XPOT: variants seen among roughly 807,000 people sequenced by gnomAD.
XPOT encodes exportin-T.
In XPOT, 34 loss-of-function variants were observed where a neutral mutation model predicts 128.2. The observed-to-expected ratio is 0.27, with a 90% CI of 0.20 to 0.35. The LOEUF is 0.35. Among genes scored for constraint, XPOT ranks in the 10% least tolerant of loss-of-function variants. The pLI is 1.00. For synonymous variants in XPOT, 348 were observed against 394.3 expected, an observed-to-expected ratio of 0.88 and a Z score of 1.39; for missense variants, 838 against 1,125.3, an observed-to-expected ratio of 0.74 and a Z score of 3.65.
intron 17 of XPOT, 129 bp downstream of exon 17, chr12:64,430,416 C>G (rs777166535): frequency 5.6e-5 from 44 of 788,770 alleles, no homozygotes; most frequent in Non-Finnish European, 8.5e-5. Flanking sequence ...TCTTTGTCCT[C>G]CAAATCCAGT....
intron 12 of XPOT, 138 bp downstream of exon 12, chr12:64,424,861 T>C: frequency 7.4e-7 from 1 of 1,349,574 alleles, no homozygotes; most frequent in African/African-American, 1.5e-5. Flanking sequence ...AACAATGCAC[T>C]TGTCTTCTTG....
intron 10 of XPOT, 61 bp from the exon 11 acceptor site, chr12:64,423,120 CA>C: frequency 6.3e-7 from 1 of 1,590,258 alleles, no homozygotes; most frequent in East Asian, 2.2e-5. Context: ...AGCTTAATTT[CA>C]AATTATATCA....
chr12:64,446,654 A>T (rs2040369556), intron 24 of XPOT, among the ~76,000 whole-genome samples: 1 of 148,934 alleles, frequency 6.7e-6, no homozygotes, highest in African/African-American at 2.5e-5. Flanking sequence ...CTGCCCTGAG[A>T]CTACCTTTCT....
rs541243518 is a variant in XPOT at position 64,405,798 on chromosome 12, C to T, written c.-75+994C>T. 1.7e-4 allele frequency among the ~76,000 whole-genome samples: 26 copies of T among 152,116 alleles called. No individual in the cohort carries two copies. In the East Asian group the frequency reaches 5.1e-3, roughly 30 times the overall value. On this transcript the variant is annotated intron_variant, in intron 1 of 24. Transcript: ENST00000332707. ...ACACCTGGCTACTTTTTGTATTTTT[C>T]GTAGAGATGGAGTTTCACCGTGTTA... is the stretch of plus-strand genomic sequence containing the variant.
rs2040227703 is a variant in XPOT at position 64,430,239 on chromosome 12, G to A, written c.1928G>A (p.Arg643Lys). The stretch of plus-strand genomic sequence containing the variant: ...TTGATGCTGGCACAAGATGAAGAAA[G>A]GCAAGCCTCTCTAGCAGACTGTCTT... ...EKLMLAQDEE[R>K]QASLADCLNH... Residue 643 changes from arginine to lysine, a missense_variant, in exon 17 of 25, where the codon AGG becomes AAG. Physicochemically the swap from Arg to Lys is conservative, Grantham distance 26. Coordinates refer to ENST00000332707, the MANE Select transcript of XPOT (RefSeq NM_007235.6). The A allele has an allele frequency of 6.2e-7, 1 of 1,611,372 alleles. No individual in the cohort carries two copies. The highest frequency in any genetic ancestry group is 1.3e-5 in the African/African-American group (1 of 74,756).
intron 3 of XPOT, 63 bp from the exon 4 acceptor site, chr12:64,416,635 G>C (rs975499750): frequency 2.2e-6 from 3 of 1,366,538 alleles, no homozygotes; most frequent in South Asian, 1.2e-5. Context: ...TTACTATTTT[G>C]CCTTTGATTT....
intron 12 of XPOT, 68 bp from the exon 13 acceptor site, chr12:64,424,970 A>G: frequency 6.3e-7 from 1 of 1,584,972 alleles, no homozygotes; most frequent in Non-Finnish European, 8.6e-7. Context: ...TTGGTGTCTT[A>G]CCCTGTGCAT....
chr12:64,447,686 G>A (rs2040376939), intron 24 of XPOT, among the ~76,000 whole-genome samples: 1 of 152,098 alleles, frequency 6.6e-6, no homozygotes, highest in Non-Finnish European at 1.5e-5. Context: ...CTCCATGTTG[G>A]TCAGGCTGAT....
At chr12:64,433,663 A>G (rs2040258110) in intron 19 of XPOT, 60 bp downstream of exon 19, 7 of 1,452,776 alleles carry the variant, frequency 4.8e-6, no homozygotes, top group African/African-American at 1.4e-5. Context: ...TTGTACATCT[A>G]TATGACCAAG....
intron 1 of XPOT, among the ~76,000 whole-genome samples, chr12:64,406,354 G>T (rs1350812926): frequency 6.6e-6 from 1 of 151,770 alleles, no homozygotes; most frequent in Non-Finnish European, 1.5e-5. Context: ...GATTACAGGC[G>T]TGAGCCACCG....
At chr12:64,426,037 GC>G in intron 15 of XPOT, 128 bp downstream of exon 15, 1 of 830,936 alleles carries the variant, frequency 1.2e-6, no homozygotes, top group Non-Finnish European at 1.9e-6. Flanking sequence ...GAAAATGTAG[GC>G]CAGGTATGGT....
intron 8 of XPOT, among the ~76,000 whole-genome samples, chr12:64,420,807 G>C (rs1415117918): frequency 6.6e-6 from 1 of 152,030 alleles, no homozygotes; most frequent in African/African-American, 2.4e-5. Flanking sequence ...TTTTTGTTTT[G>C]TTTTGTTTTT....
intron 1 of XPOT, among the ~76,000 whole-genome samples, chr12:64,408,332 T>C (rs1057184583): frequency 3.9e-5 from 6 of 152,176 alleles, no homozygotes; most frequent in African/African-American, 9.6e-5. Flanking sequence ...GGTCTTGAAC[T>C]CCTGACCTCA....
intron 2 of XPOT, among the ~76,000 whole-genome samples, chr12:64,414,395 ATATAAT>A (rs1229807377): frequency 1.3e-5 from 2 of 152,338 alleles, no homozygotes; most frequent in African/African-American, 4.8e-5. Flanking sequence ...AACTTACATG[ATATAAT>A]TAAAGACTTG....
intron 15 of XPOT, among the ~76,000 whole-genome samples, 200 bp from the exon 16 acceptor site, chr12:64,427,851 G>A (rs890474727): frequency 2.6e-4 from 39 of 152,054 alleles, no homozygotes; most frequent in Non-Finnish European, 4.4e-5. Flanking sequence ...AGGTTTATAA[G>A]ATTGTAAGTC....
At chr12:64,442,292 CCAT>C (rs1227516541) in intron 23 of XPOT, among the ~76,000 whole-genome samples, 3 of 152,074 alleles carry the variant, frequency 2.0e-5, no homozygotes, top group African/African-American at 4.8e-5. Context: ...GTGCCCACCA[CCAT>C]GCCTAATTTT....
intron 23 of XPOT, among the ~76,000 whole-genome samples, chr12:64,439,668 G>GCCACA (rs1448424528): frequency 1.2e-4 from 18 of 152,152 alleles, no homozygotes; most frequent in Admixed American, 2.6e-4. Context: ...ACTGCTGAAG[G>GCCACA]GGACCACAGC....
intron 19 of XPOT, among the ~76,000 whole-genome samples, chr12:64,434,142 C>T (rs1052805729): frequency 6.6e-6 from 1 of 152,120 alleles, no homozygotes; most frequent in African/African-American, 2.4e-5. Flanking sequence ...CCTGAGTAGC[C>T]AGGACCATTG....
At chr12:64,405,189 T>C (rs1455820599) in intron 1 of XPOT, 1 of 152,420 alleles carries the variant, frequency 6.6e-6, no homozygotes, top group Non-Finnish European at 1.5e-5. Context: ...GACCTCAAAC[T>C]TGATTCTTCC....
Sources: gnomAD v4.1 joint callset for allele counts (sites outside exome capture counted in the v4.1 genomes callset) on GRCh38, gnomAD v4.1.1 for gene constraint, MANE v1.5 for transcripts, NCBI Gene and HGNC (gene_info 2026-07-23, HGNC 2026-07-21) for gene names.